JAK2: variants seen among roughly 807,000 people sequenced by gnomAD.
The protein encoded by JAK2 is tyrosine-protein kinase JAK2.
In JAK2, 86 loss-of-function variants were observed where a neutral mutation model predicts 139.3. The observed-to-expected ratio is 0.62, with a 90% CI of 0.52 to 0.74. The LOEUF (loss-of-function observed/expected upper bound fraction) is 0.74. Ranked by LOEUF, JAK2 falls within the 30% of genes least tolerant of loss-of-function variation. JAK2 has a pLI of 0.00. For synonymous variants in JAK2, 490 were observed against 437.7 expected (o/e 1.12, Z -1.49); for missense variants, 1,421 against 1,360.3 (o/e 1.04, Z -0.70).
chr9:5,114,096 C>T, intron 22 of JAK2: 1 of 336,188 alleles, frequency 3.0e-6, no homozygotes, highest in Non-Finnish European at 5.9e-6. Flanking sequence ...GCGCTGGCTG[C>T]CCGACCACAC....
At chr9:5,050,558 A>C (rs1325320829) in intron 5 of JAK2, 128 bp from the exon 6 acceptor site, 1 of 921,428 alleles carries the variant, frequency 1.1e-6, no homozygotes, top group African/African-American at 1.7e-5. Context: ...GGCATGAGCC[A>C]CTGAGCCTGG....
intron 2 of JAK2, among the ~76,000 whole-genome samples, chr9:5,013,191 T>C (rs1353345527): frequency 6.6e-6 from 1 of 152,226 alleles, no homozygotes; most frequent in African/African-American, 2.4e-5. Context: ...GCACTTTTTT[T>C]CTAATAACTT....
At chr9:5,020,096 G>C (rs1368018553) in intron 2 of JAK2, among the ~76,000 whole-genome samples, 1 of 152,156 alleles carries the variant, frequency 6.6e-6, no homozygotes, top group African/African-American at 2.4e-5. Flanking sequence ...TGGGCAGTGA[G>C]CATGGCATGG....
At chr9:5,014,691 T>A (rs1160968661) in intron 2 of JAK2, among the ~76,000 whole-genome samples, 1 of 152,168 alleles carries the variant, frequency 6.6e-6, no homozygotes, top group Non-Finnish European at 1.5e-5. Context: ...GATTTGTGCA[T>A]TTGATTGTAT....
chr9:4,994,231 T>C (rs1820431955), intron 2 of JAK2, among the ~76,000 whole-genome samples: 1 of 152,200 alleles, frequency 6.6e-6, no homozygotes, highest in Non-Finnish European at 1.5e-5. Flanking sequence ...TCAATTAGCC[T>C]ATGGAAAAAT....
intron 22 of JAK2, chr9:5,111,011 A>G: frequency 2.7e-6 from 2 of 730,574 alleles, no homozygotes; most frequent in Non-Finnish European, 4.6e-6. Context: ...GCCAACGGGA[A>G]GGGCCGGCCC....
chr9:5,047,249 AC>A (rs1326112620), intron 5 of JAK2, among the ~76,000 whole-genome samples: 1 of 152,256 alleles, frequency 6.6e-6, no homozygotes, highest in Non-Finnish European at 1.5e-5. Flanking sequence ...CAGTGGCATT[AC>A]CAGAGTGTAA....
chr9:4,992,741 G>A (rs115623012), intron 2 of JAK2, among the ~76,000 whole-genome samples: 2,109 of 152,212 alleles, frequency 0.014, 48 homozygotes, highest in African/African-American at 0.048. Flanking sequence ...TATGTCCCCT[G>A]CATACTTTAC....
chr9:5,111,353 G>A, intron 22 of JAK2: 1 of 411,210 alleles, frequency 2.4e-6, no homozygotes, highest in Non-Finnish European at 4.7e-6. Flanking sequence ...GGACCTCCCG[G>A]TACTACCCCT....
At chr9:5,059,178 C>T (rs1817984189) in intron 8 of JAK2, among the ~76,000 whole-genome samples, 1 of 152,080 alleles carries the variant, frequency 6.6e-6, no homozygotes, top group South Asian at 2.1e-4. Flanking sequence ...CCTCAAAAAA[C>T]AGAATAGTTC....
chr9:5,041,670 A>G, intron 4 of JAK2: 2 of 511,422 alleles, frequency 3.9e-6, no homozygotes, highest in Non-Finnish European at 3.9e-6. Context: ...GAAGCTCTCC[A>G]GCTACCTCTT....
At chr9:5,049,665 A>C (rs981636078) in intron 5 of JAK2, among the ~76,000 whole-genome samples, 1 of 152,190 alleles carries the variant, frequency 6.6e-6, no homozygotes, top group African/African-American at 2.4e-5. Flanking sequence ...GATGACTGAG[A>C]CCACATCTTA....
At chr9:5,121,108 T>C (rs1458922934) in intron 22 of JAK2, among the ~76,000 whole-genome samples, 7 of 152,142 alleles carry the variant, frequency 4.6e-5, no homozygotes, top group Non-Finnish European at 8.8e-5. Flanking sequence ...AGAGGCAGAA[T>C]AGTAGTAGTA....
chr9:5,054,929 A>C lies in JAK2; in HGVS notation c.936+45A>C, dbSNP rs1325155861. On this transcript the variant is annotated intron_variant, in intron 7 of 24. Transcript: ENST00000381652. This position sits in a 1 kb window ranked among gnomAD's most constrained non-coding sequence, Gnocchi z 4.9. ...TCTTGTTCTTTGTTATTTTAAGTAC[A>C]ATGGAAATAAAAACAAAGTAATTTT... The C allele has an allele frequency of 1.5e-5, 21 of 1,358,334 alleles. No individual in the cohort carries two copies. Among genetic ancestry groups the C allele is most frequent in the Non-Finnish European group, 2.1e-5 (21 of 992,704 alleles). 84.1% of individuals were successfully genotyped at this position (1,358,334 alleles called of 1,614,324 possible).
chr9:5,081,992 T>A, intron 19 of JAK2, 131 bp downstream of exon 19: 2 of 743,896 alleles, frequency 2.7e-6, no homozygotes, highest in South Asian at 1.9e-5. Context: ...GGTTGTCAGA[T>A]GTTGGAGAAA....
chr9:5,002,076 A>C (rs1489552542), intron 2 of JAK2, among the ~76,000 whole-genome samples: 1 of 151,950 alleles, frequency 6.6e-6, no homozygotes, highest in African/African-American at 2.4e-5. Context: ...TTCTGTTTGT[A>C]AATTGATCAT....
chr9:5,043,141 G>T (rs954419615), intron 4 of JAK2, among the ~76,000 whole-genome samples: 4 of 152,234 alleles, frequency 2.6e-5, no homozygotes, highest in Non-Finnish European at 5.9e-5. Flanking sequence ...GCAGGTGTAT[G>T]TGCAGGGGGG....
intron 3 of JAK2, among the ~76,000 whole-genome samples, chr9:5,026,560 G>A (rs1220490296): frequency 1.3e-5 from 2 of 152,110 alleles, no homozygotes; most frequent in South Asian, 2.1e-4. Context: ...TGTTCTGTGA[G>A]CCTTATGTTT....
chr9:5,042,197 G>A (rs1280806669), intron 4 of JAK2, among the ~76,000 whole-genome samples: 1 of 148,498 alleles, frequency 6.7e-6, no homozygotes, highest in Non-Finnish European at 1.5e-5. Flanking sequence ...GACTGCAGTG[G>A]CGCAATCTCG....
Sources: allele counts gnomAD v4.1 joint callset (sites outside exome capture counted in the v4.1 genomes callset), GRCh38; gene constraint gnomAD v4.1.1; non-coding constraint Gnocchi (gnomAD v3.1); transcripts MANE v1.5; gene names NCBI Gene and HGNC (gene_info 2026-07-23, HGNC 2026-07-21).